The following HLCS variants were observed in gnomAD, a reference collection of about 807,000 sequenced individuals.
HLCS encodes the protein holocarboxylase synthetase.
HLCS carries 53 observed loss-of-function variants against 75.0 expected under a neutral mutation model. The ratio of observed to expected loss-of-function variants is 0.71; its 90% confidence interval spans 0.57 to 0.89. HLCS has a LOEUF of 0.89. Ranked by LOEUF, HLCS falls within the 40% of genes least tolerant of loss-of-function variation. The pLI is 0.00. For synonymous variants in HLCS, 431 were observed against 428.6 expected, an observed-to-expected ratio of 1.01 and a Z score of -0.07; for missense variants, 966 against 1,074.0, an observed-to-expected ratio of 0.90 and a Z score of 1.41.
intron 2 of HLCS, among the ~76,000 whole-genome samples, chr21:36,951,215 T>C (rs1026497077): frequency 3.3e-5 from 5 of 152,226 alleles, no homozygotes; most frequent in African/African-American, 1.2e-4. Flanking sequence ...TCTTGGAAGC[T>C]ACCACCATAT....
chr21:36,818,425 A>G (rs1238057503), intron 6 of HLCS, among the ~76,000 whole-genome samples: 1 of 152,202 alleles, frequency 6.6e-6, no homozygotes, highest in Non-Finnish European at 1.5e-5. Context: ...TTAAAAGTGC[A>G]GGTCTTAAAG....
At position 36,842,238 on chromosome 21, in the gene HLCS, G is replaced by A. The variant is rs889288665; in HGVS notation, c.1892+54622C>T. ...TCCATCGGTATAAAATATAAAACCA[G>A]GCAAAACTAAGATAGCGTCAGAAAT... On this transcript the variant is annotated intron_variant, in intron 6 of 10. Coordinates refer to ENST00000674895, the MANE Select transcript of HLCS (RefSeq NM_001352514.2). This position sits in a 1 kb window ranked among gnomAD's most constrained non-coding sequence, Gnocchi z 4.2. Among the ~76,000 whole-genome samples the A allele has an allele frequency of 6.6e-6, 1 of 152,126 alleles. No homozygotes were observed. The highest frequency in any genetic ancestry group is 2.4e-5 in the African/African-American group (1 of 41,418).
chr21:36,946,524 G>A (rs1197727478), intron 2 of HLCS, among the ~76,000 whole-genome samples: 2 of 152,064 alleles, frequency 1.3e-5, no homozygotes, highest in Non-Finnish European at 2.9e-5. Flanking sequence ...TTACAGGTGT[G>A]AGCCACCATG....
intron 6 of HLCS, among the ~76,000 whole-genome samples, chr21:36,825,914 T>C (rs2061993226): frequency 1.3e-5 from 2 of 152,024 alleles, no homozygotes; most frequent in Admixed American, 1.3e-4. Flanking sequence ...AGGGGAGCCA[T>C]AGAGTGGGGA....
intron 2 of HLCS, chr21:36,943,486 A>G (rs1445051146): frequency 6.5e-6 from 1 of 153,364 alleles, no homozygotes; most frequent in Non-Finnish European, 1.5e-5. Flanking sequence ...GCCAAATGCA[A>G]GCATATTTGG....
chr21:36,797,795 C>T (rs763820881), intron 6 of HLCS, among the ~76,000 whole-genome samples: 21 of 152,202 alleles, frequency 1.4e-4, no homozygotes, highest in Admixed American at 4.6e-4. Flanking sequence ...CCTGCCCTGA[C>T]GCCTGCATTC....
At chr21:36,949,024 C>G (rs751231216) in intron 2 of HLCS, among the ~76,000 whole-genome samples, 1 of 152,160 alleles carries the variant, frequency 6.6e-6, no homozygotes, top group Admixed American at 6.5e-5. Flanking sequence ...ACAGCCGATA[C>G]ACCGCCGAGG....
intron 2 of HLCS, chr21:36,943,791 C>G (rs1233018195): frequency 6.7e-6 from 1 of 150,238 alleles, no homozygotes; most frequent in East Asian, 2.0e-4. Context: ...TACACTCCAG[C>G]CTGGGCAACA....
At chr21:36,875,287 G>C (rs1009548805) in intron 6 of HLCS, among the ~76,000 whole-genome samples, 1 of 152,136 alleles carries the variant, frequency 6.6e-6, no homozygotes, top group Non-Finnish European at 1.5e-5. Context: ...TGAGGTCCAC[G>C]GCCTGGAGTG....
chr21:36,763,550 G>A (rs2089926223), intron 8 of HLCS, among the ~76,000 whole-genome samples: 2 of 152,152 alleles, frequency 1.3e-5, no homozygotes, highest in African/African-American at 4.8e-5. Flanking sequence ...CATCACAGAG[G>A]GATTTAAGGG....
chr21:36,944,067 G>A (rs967921110), intron 2 of HLCS: 1 of 152,132 alleles, frequency 6.6e-6, no homozygotes, highest in Non-Finnish European at 1.5e-5. Context: ...AGAATCCCAA[G>A]TTCATTCTCC....
intron 6 of HLCS, among the ~76,000 whole-genome samples, chr21:36,791,694 G>A (rs1013249311): frequency 1.3e-5 from 2 of 152,132 alleles, no homozygotes; most frequent in East Asian, 2.0e-4. Context: ...ACAGAATGCC[G>A]AGCACCCTCG....
rs761549990 is a variant in HLCS, at chr21:36,793,295, C to CTTTTTTTTTTTTTTTTTTTT, written c.1893-26011_1893-26010insAAAAAAAAAAAAAAAAAAAA. Among the ~76,000 whole-genome samples the CTTTTTTTTTTTTTTTTTTTT allele has an allele frequency of 3.4e-5, 4 of 116,244 alleles. 1 individual carries two copies. Among genetic ancestry groups the CTTTTTTTTTTTTTTTTTTTT allele is most frequent in the Admixed American group, 9.0e-5 (1 of 11,118 alleles). The allele number at this position is 116,244 out of a possible 152,430, so 76.3% of individuals were successfully genotyped here. ...AGAACACGGGACAGCAGGAAGCAGT[C>CTTTTTTTTTTTTTTTTTTTT]TTTTTTTTTTTTTTTTTTGAGATAG... On this transcript the variant is annotated intron_variant, in intron 6 of 10. Coordinates refer to ENST00000674895, the MANE Select transcript of HLCS (RefSeq NM_001352514.2).
chr21:36,913,509 C>T (rs1352209077), intron 5 of HLCS, among the ~76,000 whole-genome samples: 1 of 152,010 alleles, frequency 6.6e-6, no homozygotes, highest in African/African-American at 2.4e-5. Context: ...CGCTGTAATC[C>T]CAGCAATTTG....
chr21:36,778,194 C>T (rs1314261118), intron 6 of HLCS, among the ~76,000 whole-genome samples: 6 of 152,276 alleles, frequency 3.9e-5, no homozygotes, highest in South Asian at 2.1e-4. Flanking sequence ...TGGTCTTGAT[C>T]TCCTGCCCTT....
chr21:36,897,242 C>T (rs960438963), intron 5 of HLCS, 111 bp from the exon 6 acceptor site: 28 of 1,030,900 alleles, frequency 2.7e-5, no homozygotes, highest in Non-Finnish European at 4.2e-5. Context: ...TAATTCATGA[C>T]CAAGAAAAGC....
At chr21:36,882,958 G>A (rs1159503170) in intron 6 of HLCS, among the ~76,000 whole-genome samples, 2 of 152,110 alleles carry the variant, frequency 1.3e-5, no homozygotes, top group East Asian at 3.9e-4. Flanking sequence ...TTCTCCGCCA[G>A]GCAATGACTT....
rs1202559234 is a variant in HLCS, at chr21:36,811,529, C to T, written c.1893-44244G>A. 2.6e-5 allele frequency among the ~76,000 whole-genome samples: 4 copies of T among 152,310 alleles called. No homozygotes were observed. In the South Asian group the frequency reaches 8.3e-4, roughly 32 times the overall value. On this transcript the variant is annotated intron_variant, in intron 6 of 10. Transcript: ENST00000674895. ...GTACAGAGCCCGAATGCCCTCCCTG[C>T]TGCTGTTCTAATGCATGTCCCATCT... is the stretch of plus-strand genomic sequence containing the variant.
intron 2 of HLCS, 26 bp downstream of exon 2, chr21:36,962,009 TG>T (rs1401981330): frequency 7.8e-7 from 1 of 1,280,664 alleles, no homozygotes; most frequent in Non-Finnish European, 1.0e-6. Flanking sequence ...CAGTTCCTTA[TG>T]GGACACAAGT....
Sources: allele counts gnomAD v4.1 joint callset (sites outside exome capture counted in the v4.1 genomes callset), GRCh38; gene constraint gnomAD v4.1.1; non-coding constraint Gnocchi (gnomAD v3.1); transcripts MANE v1.5; gene names NCBI Gene and HGNC (gene_info 2026-07-23, HGNC 2026-07-21).